HMGCLL1: variants seen among roughly 807,000 people sequenced by gnomAD.
The protein encoded by HMGCLL1 is 3-hydroxy-3-methylglutaryl-CoA lyase like 1.
Under a neutral mutation model 39.1 loss-of-function variants are expected in HMGCLL1, and 36 were observed. The observed-to-expected ratio is 0.92, with a 90% CI of 0.71 to 1.22. HMGCLL1 has a LOEUF of 1.22. Ranked by LOEUF, HMGCLL1 falls within the 50% of genes most tolerant of loss-of-function variation. HMGCLL1 has a pLI of 0.00. For synonymous variants in HMGCLL1, 149 were observed against 144.0 expected, an observed-to-expected ratio of 1.03 and a Z score of -0.25; for missense variants, 451 against 416.5, an observed-to-expected ratio of 1.08 and a Z score of -0.72.
At chr6:55,617,256 T>C in the HMGCLL1 span, among the ~76,000 whole-genome samples, 4 of 152,102 alleles carry the variant, frequency 2.6e-5, no homozygotes, top group African/African-American at 9.7e-5. Context: ...GGACATATCT[T>C]TGTGATGTTT....
the HMGCLL1 span, among the ~76,000 whole-genome samples, chr6:55,639,214 T>A: frequency 6.6e-6 from 1 of 152,010 alleles, no homozygotes; most frequent in Non-Finnish European, 1.5e-5. Flanking sequence ...GCTACTATTA[T>A]TATTCCTAAT....
chr6:55,585,184 C>A, the HMGCLL1 span, among the ~76,000 whole-genome samples: 4 of 151,958 alleles, frequency 2.6e-5, no homozygotes, highest in Non-Finnish European at 5.9e-5. Flanking sequence ...AAATAACACC[C>A]CACCCCAGGT....
chr6:55,603,008 C>A, the HMGCLL1 span, among the ~76,000 whole-genome samples: 1 of 152,018 alleles, frequency 6.6e-6, no homozygotes, highest in Admixed American at 6.6e-5. Context: ...TGTAATGATG[C>A]TGCTGCTGTT....
chr6:55,451,188 T>C (rs1764065009), intron 7 of HMGCLL1, among the ~76,000 whole-genome samples: 1 of 152,198 alleles, frequency 6.6e-6, no homozygotes, highest in South Asian at 2.1e-4. Context: ...GAGGTCCCCA[T>C]GTATTTTTCA....
chr6:55,585,766 G>A, the HMGCLL1 span, among the ~76,000 whole-genome samples: 753 of 152,112 alleles, frequency 5.0e-3, 9 homozygotes, highest in African/African-American at 0.017. Flanking sequence ...TAGGACATTT[G>A]TTTAGTCCAC....
chr6:55,565,429 G>T (rs893387212), intron 1 of HMGCLL1, among the ~76,000 whole-genome samples: 1 of 151,942 alleles, frequency 6.6e-6, no homozygotes, highest in Non-Finnish European at 1.5e-5. Flanking sequence ...CTCTATTAAT[G>T]GTTAATGTAG....
At chr6:55,518,812 C>T (rs12525326) in intron 3 of HMGCLL1, among the ~76,000 whole-genome samples, 50,514 of 152,008 alleles carry the variant, frequency 0.33, 8,895 homozygotes, top group Non-Finnish European at 0.38. Flanking sequence ...AGTCATCCAG[C>T]TGAGGCCCTA....
the HMGCLL1 span, among the ~76,000 whole-genome samples, chr6:55,602,179 T>C: frequency 6.6e-6 from 1 of 152,040 alleles, no homozygotes; most frequent in Non-Finnish European, 1.5e-5. Flanking sequence ...ATGCAGAGCA[T>C]AGTGGGGAGT....
chr6:55,453,950 A>T (rs1202012430), intron 7 of HMGCLL1, among the ~76,000 whole-genome samples: 3 of 152,222 alleles, frequency 2.0e-5, no homozygotes, highest in Admixed American at 1.3e-4. Flanking sequence ...CTTTAGTGAA[A>T]GGTGAAAGTT....
intron 3 of HMGCLL1, among the ~76,000 whole-genome samples, chr6:55,521,884 C>T (rs114909950): frequency 0.015 from 2,317 of 152,050 alleles, 29 homozygotes; most frequent in Non-Finnish European, 0.026. Flanking sequence ...TTGAAAGCCC[C>T]GATAGGTGAT....
intron 1 of HMGCLL1, among the ~76,000 whole-genome samples, chr6:55,570,401 C>A (rs372711499): frequency 2.0e-5 from 3 of 152,170 alleles, no homozygotes; most frequent in Admixed American, 6.5e-5. Flanking sequence ...GTCTCCTATT[C>A]TTTGCTTAGA....
intron 7 of HMGCLL1, among the ~76,000 whole-genome samples, chr6:55,482,927 T>A (rs985736475): frequency 6.6e-6 from 1 of 151,914 alleles, no homozygotes; most frequent in Non-Finnish European, 1.5e-5. Context: ...TTATGAAAAA[T>A]TTGAATGAAG....
At chr6:55,506,041 T>G (rs150271872) in intron 5 of HMGCLL1, among the ~76,000 whole-genome samples, 1 of 151,668 alleles carries the variant, frequency 6.6e-6, no homozygotes, top group Non-Finnish European at 1.5e-5. Context: ...AGTAAACTGC[T>G]GAACTAGGCT....
intron 5 of HMGCLL1, among the ~76,000 whole-genome samples, chr6:55,505,007 CA>C (rs1473508575): frequency 2.0e-5 from 3 of 151,418 alleles, no homozygotes; most frequent in African/African-American, 7.3e-5. Context: ...CTAAAATTAA[CA>C]AAAAACACAG....
chr6:55,492,075 C>T (rs1057435954), intron 7 of HMGCLL1, among the ~76,000 whole-genome samples: 6 of 152,114 alleles, frequency 3.9e-5, no homozygotes, highest in Non-Finnish European at 4.4e-5. Context: ...CCACTTATTA[C>T]ATGTCTCCTT....
At chr6:55,505,462 A>C (rs1767106460) in intron 5 of HMGCLL1, among the ~76,000 whole-genome samples, 1 of 151,662 alleles carries the variant, frequency 6.6e-6, no homozygotes, top group South Asian at 2.1e-4. Context: ...ACAAAATAAC[A>C]TGCCATTATT....
At chr6:55,492,067 A>T (rs908565818) in intron 7 of HMGCLL1, among the ~76,000 whole-genome samples, 3 of 152,228 alleles carry the variant, frequency 2.0e-5, no homozygotes, top group Non-Finnish European at 4.4e-5. Flanking sequence ...CTAAGTTTCC[A>T]CTTATTACAT....
At chr6:55,670,718 T>G in the HMGCLL1 span, among the ~76,000 whole-genome samples, 2 of 151,350 alleles carry the variant, frequency 1.3e-5, no homozygotes, top group African/African-American at 4.8e-5. Flanking sequence ...ATTATGAAAA[T>G]TACAAATGGA....
At chr6:55,593,620 T>C in the HMGCLL1 span, among the ~76,000 whole-genome samples, 383 of 152,282 alleles carry the variant, frequency 2.5e-3, 2 homozygotes, top group African/African-American at 8.8e-3. Flanking sequence ...TAAAGGAATA[T>C]AGTGTAATAA....
Sources: allele counts gnomAD v4.1 joint callset (sites outside exome capture counted in the v4.1 genomes callset), GRCh38; gene constraint gnomAD v4.1.1; transcripts MANE v1.5; gene names NCBI Gene and HGNC (gene_info 2026-07-23, HGNC 2026-07-21).